OSBPL3: variants seen among roughly 807,000 people sequenced by gnomAD.
The protein encoded by OSBPL3 is oxysterol binding protein like 3, also known as oxysterol-binding protein-related protein 3.
A neutral mutation model predicts 120.1 loss-of-function variants in OSBPL3; 65 were observed. The ratio of observed to expected loss-of-function variants is 0.54; its 90% confidence interval spans 0.44 to 0.67. The LOEUF is 0.67. OSBPL3 is among the 30% of genes least tolerant of loss of function. The probability of loss-of-function intolerance (pLI) is 0.00; values close to 1 mark genes in which losing one functional copy is unlikely to be tolerated. For synonymous variants in OSBPL3, 416 were observed against 402.6 expected, an observed-to-expected ratio of 1.03 and a Z score of -0.40; for missense variants, 1,004 against 1,082.1, an observed-to-expected ratio of 0.93 and a Z score of 1.01.
intron 1 of OSBPL3, among the ~76,000 whole-genome samples, chr7:24,909,787 T>TTG (rs1808543007): frequency 6.1e-5 from 4 of 65,066 alleles, no homozygotes; most frequent in Non-Finnish European, 1.2e-4. Context: ...TTCTTTCTTT[T>TTG]TTTTTTTTTT....
chr7:24,903,451 G>A (rs1001377903), intron 1 of OSBPL3, among the ~76,000 whole-genome samples: 13 of 152,200 alleles, frequency 8.5e-5, no homozygotes, highest in Non-Finnish European at 1.8e-4. Context: ...CTGGGAGAGC[G>A]CACTTGCAGG....
intron 2 of OSBPL3, among the ~76,000 whole-genome samples, chr7:24,882,496 T>C (rs1028716972): frequency 6.6e-6 from 1 of 152,308 alleles, no homozygotes; most frequent in South Asian, 2.1e-4. Flanking sequence ...ATCCATGCAA[T>C]CATTGGTGGA....
chr7:24,803,923 G>A lies in OSBPL3; in HGVS notation c.2567+392C>T, dbSNP rs28711029. 0.11 allele frequency among the ~76,000 whole-genome samples: 17,404 copies of A among 152,224 alleles called. 1,306 individuals carry two copies. Among genetic ancestry groups the A allele is most frequent in the East Asian group, 0.23 (1,170 of 5,174 alleles). On this transcript the variant is annotated intron_variant, in intron 22 of 22. Coordinates refer to ENST00000313367, the MANE Select transcript of OSBPL3 (RefSeq NM_015550.4). The surrounding 1 kb of genome is among the most constrained non-coding windows in gnomAD (Gnocchi z 4.2). Reference sequence around the variant, plus strand: ...CATACTGCTTAACTGTGGAGTGATCGTGAATGATCTCTGTCATGGTGTAAA... The same window carrying A: ...CATACTGCTTAACTGTGGAGTGATCATGAATGATCTCTGTCATGGTGTAAA...
chr7:24,914,123 G>C (rs555065667), intron 1 of OSBPL3, among the ~76,000 whole-genome samples: 5 of 152,060 alleles, frequency 3.3e-5, no homozygotes, highest in Non-Finnish European at 2.9e-5. Context: ...AAAGCAGCTT[G>C]TCATCTGAAT....
intron 5 of OSBPL3, among the ~76,000 whole-genome samples, chr7:24,870,190 T>C (rs1056605247): frequency 1.3e-5 from 2 of 152,220 alleles, no homozygotes; most frequent in African/African-American, 4.8e-5. Context: ...CGCTTCATGC[T>C]TTGACTATCT....
In OSBPL3 at chr7:24,979,971, C is replaced by T. The variant is rs1280760790; in HGVS notation, c.-235G>A. The T allele has an allele frequency of 1.0e-6, 1 of 985,216 alleles. No individual in the cohort carries two copies. Among genetic ancestry groups the T allele is most frequent in the Non-Finnish European group, 1.2e-6 (1 of 829,980 alleles). 61.0% of individuals were successfully genotyped at this position (985,216 alleles called of 1,614,324 possible). A position where few individuals can be genotyped will look rare whatever the true frequency, so the allele number is the denominator to read the frequency against. On this transcript the variant is annotated 5_prime_UTR_variant, in exon 1 of 23. Transcript: ENST00000313367. ...GCACAGAACCGGGAGAAGGCAACCCCGGCTTCTCCGGTACCCCCGCAACGT... is the reference window on the plus strand; with the variant it reads ...GCACAGAACCGGGAGAAGGCAACCCTGGCTTCTCCGGTACCCCCGCAACGT...
intron 14 of OSBPL3, among the ~76,000 whole-genome samples, chr7:24,839,989 CA>C (rs1797508589): frequency 1.5e-5 from 1 of 65,312 alleles, no homozygotes; most frequent in African/African-American, 5.4e-5. Context: ...GACTCCATCT[CA>C]CAAAAAAAAA....
chr7:24,860,487 C>T (rs1233987775), intron 10 of OSBPL3, among the ~76,000 whole-genome samples: 1 of 152,086 alleles, frequency 6.6e-6, no homozygotes, highest in Non-Finnish European at 1.5e-5. Context: ...AAGGGGTTTC[C>T]CTTTTCACTT....
chr7:24,981,795 C>A (rs1037140422), upstream of OSBPL3, among the ~76,000 whole-genome samples: 1 of 152,208 alleles, frequency 6.6e-6, no homozygotes, highest in Admixed American at 6.5e-5. This position sits in a 1 kb window ranked among gnomAD's most constrained non-coding sequence, Gnocchi z 7.3. Flanking sequence ...AACCACCTCG[C>A]AAAGCCCGAC....
In OSBPL3 at chr7:24,802,591, C is replaced by T. The variant is rs1792506628; in HGVS notation, c.2567+1724G>A. ...GTAATGTGTTTCCAGCAGAGCTCCA[C>T]AGGCTTCGTAAGGTCATCCTTAATG... On this transcript the variant is annotated intron_variant, in intron 22 of 22. Coordinates refer to ENST00000313367, the MANE Select transcript of OSBPL3 (RefSeq NM_015550.4). This position sits in a 1 kb window ranked among gnomAD's most constrained non-coding sequence, Gnocchi z 4.1. Among the ~76,000 whole-genome samples, 1 of 152,218 alleles carries T rather than the reference C, an allele frequency of 6.6e-6. No individual in the cohort carries two copies. The highest frequency in any genetic ancestry group is 2.4e-5 in the African/African-American group (1 of 41,454).
At chr7:24,843,014 C>T (rs1419222989) in intron 12 of OSBPL3, among the ~76,000 whole-genome samples, 3 of 152,156 alleles carry the variant, frequency 2.0e-5, no homozygotes, top group African/African-American at 7.2e-5. Context: ...GAAAGGAAGT[C>T]CCCAGTCCTC....
At chr7:24,974,420 A>G (rs77294254) in intron 1 of OSBPL3, among the ~76,000 whole-genome samples, 5,081 of 152,320 alleles carry the variant, frequency 0.033, 138 homozygotes, top group Middle Eastern at 0.058. Context: ...TGCTGACTGC[A>G]ACATAATAGG....
chr7:24,919,006 AGT>A (rs1810059147), intron 1 of OSBPL3, among the ~76,000 whole-genome samples: 1 of 152,208 alleles, frequency 6.6e-6, no homozygotes. Flanking sequence ...TTCATTTTAT[AGT>A]TAAGAAACAG....
rs1213884865 is a variant in OSBPL3 at position 24,866,256 on chromosome 7, A to G, written c.382-19T>C. 6.4e-7 allele frequency: 1 copy of G among 1,565,554 alleles called. No homozygotes were observed. Among genetic ancestry groups the G allele is most frequent in the South Asian group, 1.1e-5 (1 of 89,910 alleles). Reference sequence around the variant, plus strand: ...ACTTGACCTATAATATATTCGATTGAAAAAAGGAAACAAGAGAATCATTCA... The same window carrying G: ...ACTTGACCTATAATATATTCGATTGGAAAAAGGAAACAAGAGAATCATTCA... On this transcript the variant is annotated intron_variant, in intron 5 of 22. Coordinates refer to ENST00000313367, the MANE Select transcript of OSBPL3 (RefSeq NM_015550.4).
At chr7:24,842,028 A>G (rs908207540) in intron 13 of OSBPL3, among the ~76,000 whole-genome samples, 10 of 152,082 alleles carry the variant, frequency 6.6e-5, no homozygotes, top group African/African-American at 2.4e-4. Flanking sequence ...AAAAAAAAGT[A>G]TAACAAATTT....
rs552657272 is a variant in OSBPL3, at chr7:24,817,019, G to A, written c.1949-331C>T. On this transcript the variant is annotated intron_variant, in intron 17 of 22. Coordinates refer to ENST00000313367, the MANE Select transcript of OSBPL3 (RefSeq NM_015550.4). The surrounding 1 kb of genome is among the most constrained non-coding windows in gnomAD (Gnocchi z 4.0). ...GAAGAAGGAGTGACGAATATGCTTG[G>A]AGAAAGCATCAGAAGAGGCTTGTCA... Among the ~76,000 whole-genome samples, 16 of 152,202 alleles carry A rather than the reference G, an allele frequency of 1.1e-4. No individual in the cohort carries two copies. The highest frequency in any genetic ancestry group is 2.1e-4 in the South Asian group (1 of 4,830).
intron 2 of OSBPL3, among the ~76,000 whole-genome samples, chr7:24,878,577 A>T (rs1803184888): frequency 6.6e-6 from 1 of 152,262 alleles, no homozygotes. Flanking sequence ...ATAGAATGAC[A>T]GCTTTAACTG....
rs933987964 is a variant in OSBPL3, at chr7:24,817,687, G to A, written c.1949-999C>T. Among the ~76,000 whole-genome samples the A allele has an allele frequency of 1.1e-4, 17 of 152,234 alleles. No individual in the cohort carries two copies. In the East Asian group the frequency reaches 2.7e-3, roughly 24 times the overall value. On this transcript the variant is annotated intron_variant, in intron 17 of 22. Transcript: ENST00000313367. The surrounding 1 kb of genome is among the most constrained non-coding windows in gnomAD (Gnocchi z 4.0). The stretch of plus-strand genomic sequence containing the variant: ...GAGTAGGAGAGAGGAGAAGCAAGGC[G>A]ACAAGTTAAGAGGCTACTGCAATTG...
At position 24,820,630 on chromosome 7, in the gene OSBPL3, A is replaced by C. The variant is rs1795010522; in HGVS notation, c.1885-392T>G. Among the ~76,000 whole-genome samples the C allele has an allele frequency of 6.6e-6, 1 of 152,254 alleles. No individual in the cohort carries two copies. The highest frequency in any genetic ancestry group is 2.1e-4 in the South Asian group (1 of 4,834). ...TCAACATCTCTTATTAGCTGTTCTG[A>C]AAGTAGCTGCAGATGTTTTAATTAA... On this transcript the variant is annotated intron_variant, in intron 16 of 22. Coordinates refer to ENST00000313367, the MANE Select transcript of OSBPL3 (RefSeq NM_015550.4). The surrounding 1 kb of genome is among the most constrained non-coding windows in gnomAD (Gnocchi z 4.6).
Sources: gnomAD v4.1 joint callset for allele counts (sites outside exome capture counted in the v4.1 genomes callset) on GRCh38, gnomAD v4.1.1 for gene constraint, Gnocchi (gnomAD v3.1) non-coding constraint, MANE v1.5 for transcripts, NCBI Gene and HGNC (gene_info 2026-07-23, HGNC 2026-07-21) for gene names.